Variants in ATM observed in about 807,000 individuals in gnomAD.
The protein encoded by ATM is serine-protein kinase ATM.
A neutral mutation model predicts 387.0 loss-of-function variants in ATM; 308 were observed. The observed-to-expected ratio is 0.80, with a 90% CI of 0.73 to 0.87. The LOEUF (loss-of-function observed/expected upper bound fraction) is 0.87, where lower values mean the gene tolerates loss of function less well. Among genes scored for constraint, ATM ranks in the 40% least tolerant of loss-of-function variants. ATM has a pLI of 0.00. For missense variants in ATM, 3,312 were observed against 3,560.9 expected (o/e 0.93, Z 1.78); for synonymous variants, 1,156 against 1,187.3 (o/e 0.97, Z 0.54).
intron 3 of ATM, 82 bp from the exon 4 acceptor site, chr11:108,229,096 T>A: frequency 7.0e-7 from 1 of 1,433,722 alleles, no homozygotes; most frequent in Non-Finnish European, 9.5e-7. Context: ...AGTTGCTCTT[T>A]GTGATGGCAT....
intron 60 of ATM, among the ~76,000 whole-genome samples, 190 bp downstream of exon 60, chr11:108,354,070 A>AACACAC (rs71047689): frequency 0.033 from 3,779 of 114,864 alleles, 130 homozygotes; most frequent in African/African-American, 0.09. Context: ...CACACACACA[A>AACACAC]ACACACACAC....
chr11:108,318,973 C>CA (rs1457787019), intron 43 of ATM, among the ~76,000 whole-genome samples: 3 of 151,900 alleles, frequency 2.0e-5, no homozygotes, highest in African/African-American at 7.3e-5. Context: ...GTTAGGAATT[C>CA]AAGACAAGCT....
At chr11:108,342,348 T>C (rs1316366574) in intron 56 of ATM, among the ~76,000 whole-genome samples, 1 of 152,218 alleles carries the variant, frequency 6.6e-6, no homozygotes, top group Non-Finnish European at 1.5e-5. Context: ...AAATGAATGA[T>C]GTAGAGTTAA....
At position 108,251,165 on chromosome 11, in the gene ATM, C is replaced by G. The variant is rs752499537; in HGVS notation, c.1607+93C>G. 5.8e-6 allele frequency: 9 copies of G among 1,559,808 alleles called. No individual in the cohort carries two copies. The African/African-American group carries it at 1.1e-4, about 19-fold the overall frequency. ...CCCTGATCATTTTCATAGTTTGTTA[C>G]TTCAGTTAAAGATGTCAAATTCTAT... On this transcript the variant is annotated intron_variant, in intron 10 of 62. Transcript: ENST00000675843.
At chr11:108,334,486 A>G (rs1358353004) in intron 54 of ATM, among the ~76,000 whole-genome samples, 2 of 152,238 alleles carry the variant, frequency 1.3e-5, no homozygotes, top group African/African-American at 4.8e-5. Context: ...GGGCAGGGAT[A>G]TATGTAATAA....
chr11:108,280,161 AG>A (rs1157860556), intron 23 of ATM, among the ~76,000 whole-genome samples: 2 of 152,206 alleles, frequency 1.3e-5, no homozygotes, highest in African/African-American at 4.8e-5. Flanking sequence ...GGAAATTGAA[AG>A]GAACAATTGA....
At chr11:108,259,208 G>A in intron 16 of ATM, 133 bp downstream of exon 16, 2 of 821,284 alleles carry the variant, frequency 2.4e-6, no homozygotes, top group Non-Finnish European at 4.0e-6. Flanking sequence ...TGGAAATTAA[G>A]GCCAGGTGCG....
At position 108,276,867 on chromosome 11, in the gene ATM, C is replaced by G. The variant is rs55658078; in HGVS notation, c.3285-2624C>G. Among the ~76,000 whole-genome samples the G allele has an allele frequency of 5.9e-3, 894 of 152,340 alleles. 8 individuals carry two copies. Among genetic ancestry groups the G allele is most frequent in the African/African-American group, 0.017 (726 of 41,584 alleles). ...TCAGGGACCCACTTGAGGAGGCAGT[C>G]TGTCCCTTAGCAGAGCTCGAGCGCT... On this transcript the variant is annotated intron_variant, in intron 22 of 62. Coordinates refer to ENST00000675843, the MANE Select transcript of ATM (RefSeq NM_000051.4).
intron 29 of ATM, among the ~76,000 whole-genome samples, chr11:108,291,146 A>G (rs866060315): frequency 9.2e-5 from 14 of 151,956 alleles, no homozygotes; most frequent in African/African-American, 3.4e-4. Flanking sequence ...TGAGGCAGGA[A>G]AATGGCCAGA....
chr11:108,276,340 A>G (rs1284894019), intron 22 of ATM, among the ~76,000 whole-genome samples: 2 of 152,154 alleles, frequency 1.3e-5, no homozygotes, highest in East Asian at 1.9e-4. Context: ...GTTATTACCC[A>G]TCTTCCGAAG....
At chr11:108,336,036 C>A in intron 56 of ATM, 75 bp downstream of exon 56, 1 of 1,141,194 alleles carries the variant, frequency 8.8e-7, no homozygotes, top group Non-Finnish European at 1.3e-6. Context: ...GTGGCTCATG[C>A]CCATATTCAT....
intron 34 of ATM, among the ~76,000 whole-genome samples, chr11:108,300,565 G>T (rs778665870): frequency 6.6e-6 from 1 of 152,000 alleles, no homozygotes; most frequent in Non-Finnish European, 1.5e-5. Context: ...ATTTTTTTCT[G>T]TACTTCCCTT....
intron 25 of ATM, 21 bp from the exon 26 acceptor site, chr11:108,284,206 T>C: frequency 1.1e-5 from 17 of 1,558,918 alleles, no homozygotes; most frequent in Non-Finnish European, 1.5e-5. Flanking sequence ...TAACCTGTAT[T>C]TTAAATTTTT....
chr11:108,320,725 T>C (rs2136230883), intron 44 of ATM, among the ~76,000 whole-genome samples: 1 of 152,332 alleles, frequency 6.6e-6, no homozygotes. Context: ...CAGTTGATCC[T>C]TGAACCACTT....
chr11:108,272,684 T>C (rs750250043), intron 21 of ATM, 38 bp from the exon 22 acceptor site: 3 of 1,613,506 alleles, frequency 1.9e-6, no homozygotes, highest in Non-Finnish European at 8.5e-7. Flanking sequence ...GAGTAATTTT[T>C]CTCTATTTCA....
Position 108,292,599 on chromosome 11 carries a change from T to G in ATM, c.4437-20T>G, listed in dbSNP as rs558432723. ...CCAGAACTTACTGGTTGTTGTTGTT[T>G]TTTTTTCTCCCTATATTAGGCCTTC... is the stretch of plus-strand genomic sequence containing the variant. On this transcript the variant is annotated intron_variant, in intron 29 of 62. Coordinates refer to ENST00000675843, the MANE Select transcript of ATM (RefSeq NM_000051.4). 8.1e-6 allele frequency: 13 copies of G among 1,613,132 alleles called. No homozygotes were observed. The highest frequency in any genetic ancestry group is 4.4e-5 in the South Asian group (4 of 90,900).
Position 108,365,534 on chromosome 11 carries a change from A to G in ATM, c.*26A>G, listed in dbSNP as rs1247328981. Reference sequence around the variant, plus strand: ...TCTTCAGTATATGAATTACCCTTTCATTCAGCCTTTAGAAATTATATTTTA... The same window carrying G: ...TCTTCAGTATATGAATTACCCTTTCGTTCAGCCTTTAGAAATTATATTTTA... On this transcript the variant is annotated 3_prime_UTR_variant, in exon 63 of 63. Coordinates refer to ENST00000675843, the MANE Select transcript of ATM (RefSeq NM_000051.4). 1 of 1,610,010 alleles carries G rather than the reference A, an allele frequency of 6.2e-7. No homozygotes were observed. The highest frequency in any genetic ancestry group is 1.7e-5 in the Admixed American group (1 of 59,490).
In ATM at chr11:108,310,806, A is replaced by G. The variant is rs1439039197; in HGVS notation, c.5918+491A>G. 2.0e-5 allele frequency among the ~76,000 whole-genome samples: 3 copies of G among 152,156 alleles called. No individual in the cohort carries two copies. The East Asian group carries it at 5.8e-4, about 29-fold the overall frequency. On this transcript the variant is annotated intron_variant, in intron 39 of 62. Transcript: ENST00000675843. The stretch of plus-strand genomic sequence containing the variant: ...CTAATTAAGTTTCATTTCTTTATCT[A>G]CCTATATTTCTAGTGAATTTAATTC...
intron 26 of ATM, among the ~76,000 whole-genome samples, chr11:108,286,852 A>T (rs2082521401): frequency 6.6e-6 from 1 of 152,186 alleles, no homozygotes; most frequent in South Asian, 2.1e-4. Context: ...TGCATTAAGT[A>T]AATTAGCCAT....
Sources: gnomAD v4.1 joint callset for allele counts (sites outside exome capture counted in the v4.1 genomes callset) on GRCh38, gnomAD v4.1.1 for gene constraint, MANE v1.5 for transcripts, NCBI Gene and HGNC (gene_info 2026-07-23, HGNC 2026-07-21) for gene names.